The following RABGEF1 variants were observed in gnomAD, a reference collection of about 807,000 sequenced individuals.
The protein encoded by RABGEF1 is RAB guanine nucleotide exchange factor 1.
RABGEF1 carries 26 observed loss-of-function variants against 57.3 expected under a neutral mutation model. The observed-to-expected ratio is 0.45, with a 90% CI of 0.33 to 0.63. RABGEF1 has a LOEUF of 0.63. Ranked by LOEUF, RABGEF1 falls within the 20% of genes least tolerant of loss-of-function variation. The probability of loss-of-function intolerance (pLI) is 0.02; values close to 1 mark genes in which losing one functional copy is unlikely to be tolerated. For missense variants in RABGEF1, 464 were observed against 607.6 expected, an observed-to-expected ratio of 0.76 and a Z score of 2.48; for synonymous variants, 185 against 210.7, an observed-to-expected ratio of 0.88 and a Z score of 1.06.
intron 2 of RABGEF1, among the ~76,000 whole-genome samples, chr7:66,728,384 C>T (rs191235962): frequency 7.9e-5 from 12 of 152,268 alleles, no homozygotes; most frequent in Admixed American, 7.9e-4. Context: ...AGGTATCCCC[C>T]CTATGGCTGG....
Position 66,746,639 on chromosome 7 carries a change from T to C in RABGEF1, c.-18+5847T>C, listed in dbSNP as rs1433392496. On this transcript the variant is annotated intron_variant, in intron 1 of 8. Transcript: ENST00000284957. ...TAACCTTTTTTTTTTTTTTTTTTTT[T>C]TGAGAACAGAGTCTTGCTCTGTCAC... Among the ~76,000 whole-genome samples, 5 of 145,628 alleles carry C rather than the reference T, an allele frequency of 3.4e-5. No individual in the cohort carries two copies. The East Asian group carries it at 9.9e-4, about 29-fold the overall frequency.
intron 1 of RABGEF1, among the ~76,000 whole-genome samples, chr7:66,770,088 G>A (rs1282332429): frequency 1.3e-5 from 2 of 152,068 alleles, no homozygotes; most frequent in Non-Finnish European, 1.5e-5. Flanking sequence ...CTTTTTCTGC[G>A]TTTTTCAGTC....
At chr7:66,778,281 G>T (rs546394153) in intron 3 of RABGEF1, among the ~76,000 whole-genome samples, 2,211 of 152,180 alleles carry the variant, frequency 0.015, 61 homozygotes, top group East Asian at 0.094. Context: ...TAGCAGCTTG[G>T]TAGCAGACAA....
At chr7:66,679,980 A>C (rs866867317), upstream of RABGEF1, among the ~76,000 whole-genome samples, 8 of 152,288 alleles carry the variant, frequency 5.3e-5, no homozygotes, top group South Asian at 1.7e-3. Flanking sequence ...AGTTGGAGGC[A>C]GGAGTGTGCT....
chr7:66,684,104 G>T (rs1008301442), intron 1 of RABGEF1, among the ~76,000 whole-genome samples: 9 of 152,118 alleles, frequency 5.9e-5, no homozygotes, highest in African/African-American at 2.2e-4. Flanking sequence ...TAATCTGATG[G>T]TGACAGAACC....
chr7:66,689,767 A>G (rs1295005224), intron 1 of RABGEF1, among the ~76,000 whole-genome samples: 1 of 151,462 alleles, frequency 6.6e-6, no homozygotes, highest in Non-Finnish European at 1.5e-5. Flanking sequence ...GCACCATTGC[A>G]CTCCAGCCTG....
At position 66,792,806 on chromosome 7, in the gene RABGEF1, G is replaced by A. The variant is rs181146194; in HGVS notation, c.514-2705G>A. Among the ~76,000 whole-genome samples, 5 of 152,246 alleles carry A rather than the reference G, an allele frequency of 3.3e-5. No individual in the cohort carries two copies. The East Asian group carries it at 9.6e-4, about 29-fold the overall frequency. ...ATACTGAGCACTAACCCTGTGCCTG[G>A]CCTTGTTCTAGGCATGAGGATATGG... On this transcript the variant is annotated intron_variant, in intron 4 of 8. Coordinates refer to ENST00000284957, the MANE Select transcript of RABGEF1 (RefSeq NM_014504.3).
At chr7:66,806,802 C>T (rs932858937) in intron 8 of RABGEF1, among the ~76,000 whole-genome samples, 1 of 151,964 alleles carries the variant, frequency 6.6e-6, no homozygotes, top group African/African-American at 2.4e-5. Context: ...TGTCACCATG[C>T]CCGGCTAATG....
rs778572706 is a variant in RABGEF1 at position 66,775,310 on chromosome 7, A to G, written c.263A>G (p.Glu88Gly). 4.2e-5 allele frequency: 68 copies of G among 1,613,854 alleles called. No individual in the cohort carries two copies. The highest frequency in any genetic ancestry group is 2.0e-4 in the East Asian group (9 of 44,896). ...AQSLTFSKFE[E>G]KKTNEKTRKV... ...TCCCTCACATTCTCCAAGTTTGAAG[A>G]AAAGAAAACCAACGAGAAGACCCGC... is the stretch of plus-strand genomic sequence containing the variant. Residue 88 changes from glutamate to glycine, a missense_variant, in exon 3 of 9, where the codon GAA becomes GGA. By Grantham distance (98) the Glu-to-Gly change is moderately conservative. This residue lies in a region of RABGEF1 where 284 missense variants were observed against 389.9 expected (regional missense o/e 0.73). Coordinates refer to ENST00000284957, the MANE Select transcript of RABGEF1 (RefSeq NM_014504.3).
intron 2 of RABGEF1, among the ~76,000 whole-genome samples, chr7:66,723,401 A>G (rs1796258862): frequency 6.6e-6 from 1 of 152,202 alleles, no homozygotes; most frequent in African/African-American, 2.4e-5. Flanking sequence ...ACTTTTCACA[A>G]TCTACCCTTA....
intron 4 of RABGEF1, among the ~76,000 whole-genome samples, chr7:66,785,918 C>T (rs1167970712): frequency 3.3e-5 from 5 of 151,968 alleles, no homozygotes; most frequent in East Asian, 1.9e-4. Flanking sequence ...TTCAAAACTG[C>T]GCAAAACCTT....
intron 2 of RABGEF1, among the ~76,000 whole-genome samples, chr7:66,735,644 A>ATT (rs1797857493): frequency 6.6e-6 from 1 of 152,038 alleles, no homozygotes; most frequent in South Asian, 2.1e-4. Context: ...TGAGTGAGTT[A>ATT]TTGTGAGATC....
At chr7:66,714,994 G>GTCC (rs941425130) in intron 2 of RABGEF1, among the ~76,000 whole-genome samples, 6 of 151,898 alleles carry the variant, frequency 4.0e-5, no homozygotes, top group Admixed American at 2.0e-4. Flanking sequence ...AACTTTCGTC[G>GTCC]TCCTCCTCCT....
chr7:66,705,126 C>T (rs1457817112), intron 1 of RABGEF1, among the ~76,000 whole-genome samples: 4 of 151,674 alleles, frequency 2.6e-5, no homozygotes, highest in Non-Finnish European at 4.4e-5. Flanking sequence ...GATGGCCGGG[C>T]GCGGTGGCTC....
chr7:66,785,821 C>T (rs929882610), intron 4 of RABGEF1, among the ~76,000 whole-genome samples: 7 of 151,650 alleles, frequency 4.6e-5, no homozygotes, highest in South Asian at 2.1e-4. Flanking sequence ...TTGCAGTGAG[C>T]GGAGATTGCA....
At chr7:66,737,853 C>T (rs924999869), upstream of RABGEF1, among the ~76,000 whole-genome samples, 3 of 152,084 alleles carry the variant, frequency 2.0e-5, no homozygotes, top group Non-Finnish European at 2.9e-5. Context: ...AACAGGTTAG[C>T]GGTGTCAGGA....
intron 8 of RABGEF1, among the ~76,000 whole-genome samples, chr7:66,808,389 TA>T (rs1788919389): frequency 6.6e-6 from 1 of 152,094 alleles, no homozygotes; most frequent in East Asian, 1.9e-4. Flanking sequence ...CTAATTTTTG[TA>T]TTTTTAGTAG....
intron 1 of RABGEF1, among the ~76,000 whole-genome samples, chr7:66,764,677 T>C (rs1271377660): frequency 6.6e-6 from 1 of 152,230 alleles, no homozygotes; most frequent in African/African-American, 2.4e-5. Flanking sequence ...CTTTTGCATG[T>C]GGCTATCCAA....
chr7:66,726,236 C>T (rs549695889), intron 2 of RABGEF1, among the ~76,000 whole-genome samples: 7 of 152,348 alleles, frequency 4.6e-5, no homozygotes, highest in Admixed American at 4.6e-4. Flanking sequence ...TTCATATCTG[C>T]TGGGTGGTAG....
Sources: gnomAD v4.1 joint callset for allele counts (sites outside exome capture counted in the v4.1 genomes callset) on GRCh38, gnomAD v4.1.1 for gene constraint, gnomAD v4.1.1 regional missense constraint, MANE v1.5 for transcripts, NCBI Gene and HGNC (gene_info 2026-07-23, HGNC 2026-07-21) for gene names.